Variants in ROBO2 observed in about 807,000 individuals in gnomAD.
ROBO2 encodes roundabout homolog 2.
ROBO2 carries 53 observed loss-of-function variants against 160.8 expected under a neutral mutation model. The ratio of observed to expected loss-of-function variants is 0.33; its 90% CI spans 0.26 to 0.41. The LOEUF (loss-of-function observed/expected upper bound fraction) is 0.41. Ranked by LOEUF, ROBO2 falls within the 10% of genes least tolerant of loss-of-function variation. The probability of loss-of-function intolerance (pLI) is 1.00; values close to 1 mark genes in which losing one functional copy is unlikely to be tolerated. For missense variants in ROBO2, 1,577 were observed against 1,722.4 expected, an observed-to-expected ratio of 0.92 and a Z score of 1.49; for synonymous variants, 664 against 611.7, an observed-to-expected ratio of 1.09 and a Z score of -1.26.
chr3:77,342,614 A>G (rs2067187026), intron 2 of ROBO2, among the ~76,000 whole-genome samples: 1 of 152,216 alleles, frequency 6.6e-6, no homozygotes, highest in Non-Finnish European at 1.5e-5. Context: ...TCAGAGAGCT[A>G]GAAGACTCCC....
intron 2 of ROBO2, among the ~76,000 whole-genome samples, chr3:76,603,003 C>T (rs2087279317): frequency 6.6e-6 from 1 of 152,020 alleles, no homozygotes; most frequent in Non-Finnish European, 1.5e-5. Context: ...AAAGTAAATA[C>T]TCCACAAATC....
chr3:75,963,579 G>C (rs1270438063), intron 2 of ROBO2, among the ~76,000 whole-genome samples: 4 of 151,798 alleles, frequency 2.6e-5, no homozygotes, highest in Non-Finnish European at 4.4e-5. Flanking sequence ...TGCTAACGTA[G>C]TTGGGTGCTG....
chr3:76,531,558 C>T (rs968556247), intron 2 of ROBO2, among the ~76,000 whole-genome samples: 1 of 150,636 alleles, frequency 6.6e-6, no homozygotes, highest in Non-Finnish European at 1.5e-5. Flanking sequence ...AACAACTGCC[C>T]TATAGCCTTT....
At chr3:76,148,692 T>C (rs2072020073) in intron 2 of ROBO2, among the ~76,000 whole-genome samples, 1 of 152,056 alleles carries the variant, frequency 6.6e-6, no homozygotes, top group South Asian at 2.1e-4. Context: ...ATAAGAAAAT[T>C]AGGAATCAAT....
chr3:77,204,325 T>C (rs908992702), intron 2 of ROBO2, among the ~76,000 whole-genome samples: 8 of 152,162 alleles, frequency 5.3e-5, no homozygotes, highest in African/African-American at 1.9e-4. Flanking sequence ...TAGCAAAATA[T>C]GCTACTTTTA....
chr3:76,454,057 A>G (rs906287069), intron 2 of ROBO2, among the ~76,000 whole-genome samples: 2 of 152,172 alleles, frequency 1.3e-5, no homozygotes, highest in African/African-American at 4.8e-5. Flanking sequence ...TTGATGCAGA[A>G]GAGATGTCTT....
At chr3:76,436,682 A>G (rs1298788054) in intron 2 of ROBO2, among the ~76,000 whole-genome samples, 1 of 152,206 alleles carries the variant, frequency 6.6e-6, no homozygotes, top group African/African-American at 2.4e-5. Context: ...AAACTTGAAA[A>G]GAAAAAAGAA....
intron 2 of ROBO2, among the ~76,000 whole-genome samples, chr3:76,179,630 T>C (rs1290877247): frequency 1.3e-5 from 2 of 152,128 alleles, no homozygotes; most frequent in Non-Finnish European, 2.9e-5. Context: ...GTATTGACTT[T>C]CCCTTCTTCC....
intron 3 of ROBO2, among the ~76,000 whole-genome samples, chr3:77,479,321 A>C (rs1179461583): frequency 6.6e-6 from 1 of 152,180 alleles, no homozygotes; most frequent in Non-Finnish European, 1.5e-5. Flanking sequence ...TTTGGTGATT[A>C]ATCTTTGCAG....
At chr3:75,990,782 C>T (rs1441154456) in intron 2 of ROBO2, among the ~76,000 whole-genome samples, 1 of 152,012 alleles carries the variant, frequency 6.6e-6, no homozygotes, top group Non-Finnish European at 1.5e-5. Context: ...TTTGTGTTAA[C>T]TTTGTTGACC....
intron 2 of ROBO2, among the ~76,000 whole-genome samples, chr3:75,994,194 C>A (rs1205734329): frequency 2.0e-5 from 3 of 152,146 alleles, no homozygotes; most frequent in Non-Finnish European, 2.9e-5. Flanking sequence ...TTCATCAGAG[C>A]AGCTTTTTCC....
intron 2 of ROBO2, among the ~76,000 whole-genome samples, chr3:76,122,510 AT>A (rs1200547030): frequency 1.3e-5 from 2 of 151,982 alleles, no homozygotes; most frequent in Non-Finnish European, 2.9e-5. Context: ...CATTTTTTGA[AT>A]TTTTGGCATT....
intron 2 of ROBO2, among the ~76,000 whole-genome samples, chr3:76,247,769 A>T (rs1705708002): frequency 6.6e-6 from 1 of 152,088 alleles, no homozygotes; most frequent in Non-Finnish European, 1.5e-5. Flanking sequence ...AATATCCAGA[A>T]TCTACAATGA....
At chr3:76,255,766 A>G (rs1484794323) in intron 2 of ROBO2, among the ~76,000 whole-genome samples, 4 of 152,118 alleles carry the variant, frequency 2.6e-5, no homozygotes, top group Non-Finnish European at 4.4e-5. Flanking sequence ...TGCCTGTTGT[A>G]TAGACAATTC....
chr3:76,468,847 CCTAGACAAACTTA>C (rs1181469549), intron 2 of ROBO2, among the ~76,000 whole-genome samples: 2 of 152,072 alleles, frequency 1.3e-5, no homozygotes, highest in Non-Finnish European at 2.9e-5. Context: ...TCGCCCTCTA[CCTAGACAAACTTA>C]TATCTACAGC....
chr3:77,285,628 C>T (rs7629160), intron 2 of ROBO2, among the ~76,000 whole-genome samples: 140,213 of 152,252 alleles, frequency 0.92, 65,412 homozygotes, highest in East Asian at 1. Flanking sequence ...TAAACTAAAG[C>T]ATTATGACCT....
intron 2 of ROBO2, among the ~76,000 whole-genome samples, chr3:75,937,841 T>TTATATATATATATATATA (rs1158457510): frequency 0.012 from 1,288 of 105,248 alleles, 19 homozygotes; most frequent in Middle Eastern, 0.023. Flanking sequence ...GGAATTGATT[T>TTATATATATATATATATA]TATATATATA....
intron 2 of ROBO2, among the ~76,000 whole-genome samples, chr3:76,647,744 A>T (rs1354020403): frequency 6.6e-6 from 1 of 152,058 alleles, no homozygotes; most frequent in East Asian, 1.9e-4. Context: ...GGAGGACATG[A>T]GGCAGACTAA....
intron 2 of ROBO2, among the ~76,000 whole-genome samples, chr3:76,204,144 A>G (rs938567132): frequency 2.6e-5 from 4 of 152,166 alleles, no homozygotes; most frequent in Non-Finnish European, 4.4e-5. Context: ...GTTACTTTAA[A>G]TTTCCTAAGT....
Sources: allele counts gnomAD v4.1 joint callset (sites outside exome capture counted in the v4.1 genomes callset), GRCh38; gene constraint gnomAD v4.1.1; transcripts MANE v1.5; gene names NCBI Gene and HGNC (gene_info 2026-07-23, HGNC 2026-07-21).